MARCHF1: variants seen among roughly 807,000 people sequenced by gnomAD.
The protein encoded by MARCHF1 is membrane associated ring-CH-type finger 1.
In MARCHF1, 40 loss-of-function variants were observed where a neutral mutation model predicts 54.2. That is an observed-to-expected ratio of 0.74 (90% CI 0.57 to 0.96). MARCHF1 has a LOEUF of 0.96. MARCHF1 is among the 40% of genes least tolerant of loss of function. The pLI, the probability that MARCHF1 is intolerant of heterozygous loss-of-function variation, is 0.00. For synonymous variants in MARCHF1, 236 were observed against 236.3 expected, an observed-to-expected ratio of 1.00 and a Z score of 0.01; for missense variants, 586 against 656.5, an observed-to-expected ratio of 0.89 and a Z score of 1.17.
intron 2 of MARCHF1, among the ~76,000 whole-genome samples, chr4:164,018,033 C>A (rs1753581797): frequency 1.3e-5 from 2 of 151,700 alleles, no homozygotes; most frequent in South Asian, 4.2e-4. Flanking sequence ...TACAAATGTG[C>A]CAGGATAATT....
chr4:163,869,070 C>G (rs1458139086), intron 3 of MARCHF1, among the ~76,000 whole-genome samples: 1 of 151,602 alleles, frequency 6.6e-6, no homozygotes, highest in African/African-American at 2.4e-5. Flanking sequence ...AAACAATAGC[C>G]TAGAATAAGT....
At chr4:163,949,703 A>G (rs1752095229) in intron 3 of MARCHF1, among the ~76,000 whole-genome samples, 2 of 151,994 alleles carry the variant, frequency 1.3e-5, no homozygotes, top group South Asian at 4.2e-4. Context: ...AGCTCTCATC[A>G]GAGAGGAGAC....
chr4:163,789,316 A>G (rs767558137), intron 4 of MARCHF1, among the ~76,000 whole-genome samples: 26 of 152,002 alleles, frequency 1.7e-4, no homozygotes, highest in Non-Finnish European at 3.5e-4. Context: ...ATGGACATGT[A>G]GAAGGGAACA....
chr4:164,010,652 G>A (rs1753401372), intron 2 of MARCHF1, among the ~76,000 whole-genome samples: 1 of 152,042 alleles, frequency 6.6e-6, no homozygotes, highest in Non-Finnish European at 1.5e-5. Flanking sequence ...TCATGCTCAT[G>A]ATTTAGAAGA....
chr4:163,892,272 T>A (rs1050076793), intron 3 of MARCHF1, among the ~76,000 whole-genome samples: 6 of 152,176 alleles, frequency 3.9e-5, no homozygotes, highest in African/African-American at 1.2e-4. Context: ...ATCATTTTAT[T>A]AATTCATTTA....
At chr4:163,951,042 T>C (rs995254491) in intron 3 of MARCHF1, among the ~76,000 whole-genome samples, 1 of 152,042 alleles carries the variant, frequency 6.6e-6, no homozygotes, top group Non-Finnish European at 1.5e-5. Flanking sequence ...TACCAAAAAA[T>C]GAGAGCACAC....
At chr4:163,968,040 A>T (rs1209073418) in intron 3 of MARCHF1, among the ~76,000 whole-genome samples, 1 of 152,220 alleles carries the variant, frequency 6.6e-6, no homozygotes, top group Non-Finnish European at 1.5e-5. Context: ...CTTTAACTTG[A>T]TAAGATATTA....
Position 163,526,104 on chromosome 4 carries a change from G to A in MARCHF1, c.*2644C>T, listed in dbSNP as rs1738094987. On this transcript the variant is annotated 3_prime_UTR_variant, in exon 10 of 10. Coordinates refer to ENST00000514618, the MANE Select transcript of MARCHF1 (RefSeq NM_001394959.1). ...ATTTTCTCATTTCAACAATGTCCAA[G>A]CCCATAAAAGTTAATTGCAAGAATT... 1 of 152,010 alleles carries A rather than the reference G, an allele frequency of 6.6e-6. No individual in the cohort carries two copies. Among genetic ancestry groups the A allele is most frequent in the Non-Finnish European group, 1.5e-5 (1 of 67,964 alleles). The allele number at this position is 152,010 out of a possible 1,614,324, so 9.4% of individuals were successfully genotyped here. A position where few individuals can be genotyped will look rare whatever the true frequency, so the allele number is the denominator to read the frequency against.
At chr4:163,989,150 T>A (rs1362359779) in intron 2 of MARCHF1, among the ~76,000 whole-genome samples, 1 of 152,174 alleles carries the variant, frequency 6.6e-6, no homozygotes, top group South Asian at 2.1e-4. Flanking sequence ...AAAAGCTTAG[T>A]GTCCTATTTG....
In MARCHF1 at chr4:163,852,408, T is replaced by G. The variant is rs150513410; in HGVS notation, c.111+1613A>C. Among the ~76,000 whole-genome samples the G allele has an allele frequency of 2.4e-3, 371 of 152,322 alleles. 2 individuals are homozygous for G. Among genetic ancestry groups the G allele is most frequent in the African/African-American group, 8.4e-3 (350 of 41,574 alleles). ...AAGCACAGAAGCAGTAATTTTTTCT[T>G]ACTTAAAAATGCTTGGTTATAGTAT... On this transcript the variant is annotated intron_variant, in intron 4 of 9. Coordinates refer to ENST00000514618, the MANE Select transcript of MARCHF1 (RefSeq NM_001394959.1).
intron 4 of MARCHF1, among the ~76,000 whole-genome samples, chr4:163,846,866 A>G (rs1193722954): frequency 6.6e-6 from 1 of 152,176 alleles, no homozygotes; most frequent in Non-Finnish European, 1.5e-5. Context: ...CTCAAGGAAT[A>G]TAATAAAAAC....
At chr4:164,115,459 G>A (rs540397068) in intron 1 of MARCHF1, among the ~76,000 whole-genome samples, 9 of 152,072 alleles carry the variant, frequency 5.9e-5, no homozygotes, top group Non-Finnish European at 1.3e-4. Context: ...GAAAGTTTAT[G>A]AGAGCGATAA....
chr4:163,892,252 ATATT>A (rs1410887155), intron 3 of MARCHF1, among the ~76,000 whole-genome samples: 1 of 152,196 alleles, frequency 6.6e-6, no homozygotes, highest in African/African-American at 2.4e-5. Context: ...TTTAAAAATT[ATATT>A]TATGTATCAT....
intron 2 of MARCHF1, among the ~76,000 whole-genome samples, chr4:164,006,640 G>A (rs1457688574): frequency 6.6e-6 from 1 of 151,938 alleles, no homozygotes; most frequent in Non-Finnish European, 1.5e-5. Flanking sequence ...AGAACACTAA[G>A]CATATTCAAC....
At chr4:163,684,051 T>C (rs1293387599) in intron 5 of MARCHF1, among the ~76,000 whole-genome samples, 1 of 152,216 alleles carries the variant, frequency 6.6e-6, no homozygotes, top group Non-Finnish European at 1.5e-5. Flanking sequence ...AGCATAGCCT[T>C]TATGCCTCTC....
intron 2 of MARCHF1, among the ~76,000 whole-genome samples, chr4:164,041,358 A>G (rs921693242): frequency 6.6e-6 from 1 of 152,154 alleles, no homozygotes; most frequent in Non-Finnish European, 1.5e-5. Context: ...TTATTATAGC[A>G]TTAGCATTTC....
intron 1 of MARCHF1, among the ~76,000 whole-genome samples, chr4:164,142,240 T>C (rs967975430): frequency 6.6e-6 from 1 of 152,120 alleles, no homozygotes; most frequent in African/African-American, 2.4e-5. Context: ...CAGCCAGGCT[T>C]GGGGAGGGGC....
chr4:164,093,921 T>G (rs1382721999), intron 2 of MARCHF1, among the ~76,000 whole-genome samples: 1 of 152,162 alleles, frequency 6.6e-6, no homozygotes, highest in African/African-American at 2.4e-5. Context: ...CCAGCTCTTC[T>G]GACACTGTTA....
At chr4:163,803,491 G>A (rs188729734) in intron 4 of MARCHF1, among the ~76,000 whole-genome samples, 1 of 149,142 alleles carries the variant, frequency 6.7e-6, no homozygotes, top group African/African-American at 2.6e-5. Context: ...TTATTACGGA[G>A]TATACTCATT....
Sources: gnomAD v4.1 joint callset for allele counts (sites outside exome capture counted in the v4.1 genomes callset) on GRCh38, gnomAD v4.1.1 for gene constraint, MANE v1.5 for transcripts, NCBI Gene and HGNC (gene_info 2026-07-23, HGNC 2026-07-21) for gene names.